Variants in GPR180 observed in about 807,000 individuals in gnomAD.
The protein encoded by GPR180 is G protein-coupled receptor 180, also known as integral membrane protein GPR180.
GPR180 carries 53 observed loss-of-function variants against 52.6 expected under a neutral mutation model. That is an observed-to-expected ratio of 1.01 (90% confidence interval 0.81 to 1.27). The LOEUF (loss-of-function observed/expected upper bound fraction) is 1.27. Ranked by LOEUF, GPR180 falls within the 50% of genes most tolerant of loss-of-function variation. GPR180 has a pLI of 0.00. For synonymous variants in GPR180, 200 were observed against 193.1 expected, an observed-to-expected ratio of 1.04 and a Z score of -0.30; for missense variants, 533 against 527.0, an observed-to-expected ratio of 1.01 and a Z score of -0.11.
intron 2 of GPR180, among the ~76,000 whole-genome samples, chr13:94,609,407 A>G (rs58500362): frequency 0.025 from 3,783 of 152,280 alleles, 165 homozygotes; most frequent in African/African-American, 0.083. Context: ...GCCTTGCCGA[A>G]AAGACAGCAA....
Position 94,602,072 on chromosome 13 carries a change from G to T in GPR180, c.145G>T (p.Gly49Cys). ...GQRIGHFEFH[G>C]DHALLCVRIN... ...GCGCATCGGCCACTTCGAGTTCCAT[G>T]GTAGGTCTGGGGGCGGGGAGGGGGA... is the stretch of plus-strand genomic sequence containing the variant. The change falls in exon 1 of 9, where the codon GGT becomes TGT. Residue 49 changes from glycine (G) to cysteine (C), a missense_variant and splice_region_variant. Gly to Cys is a radical substitution (Grantham distance 159). Coordinates refer to ENST00000376958, the MANE Select transcript of GPR180 (RefSeq NM_180989.6). 1 of 1,377,966 alleles carries T rather than the reference G, an allele frequency of 7.3e-7. No homozygotes were observed. Among genetic ancestry groups the T allele is most frequent in the South Asian group, 1.7e-5 (1 of 57,646 alleles). 85.4% of individuals were successfully genotyped at this position (1,377,966 alleles called of 1,614,324 possible).
intron 2 of GPR180, among the ~76,000 whole-genome samples, chr13:94,611,889 G>GA (rs112244645): frequency 5.0e-4 from 67 of 134,990 alleles, no homozygotes; most frequent in Middle Eastern, 3.8e-3. Flanking sequence ...AAACCAAAAA[G>GA]AAAAAAAAAA....
rs1187614082 is a variant in GPR180, at chr13:94,628,782, CCTTTT to C, written c.*1617_*1621del. The C allele has an allele frequency of 6.6e-6, 1 of 152,040 alleles. No homozygotes were observed. The highest frequency in any genetic ancestry group is 2.4e-5 in the African/African-American group (1 of 41,434). The allele number at this position is 152,040 out of a possible 1,614,324, so 9.4% of individuals were successfully genotyped here. A position where few individuals can be genotyped will look rare whatever the true frequency, so the allele number is the denominator to read the frequency against. Reference sequence around the variant, plus strand: ...TACATGATCGTCTGAGTGGTCATAACCTTTTCTTTTATCATGTCTCGCTAATAACC... The same window carrying C: ...TACATGATCGTCTGAGTGGTCATAACCTTTTATCATGTCTCGCTAATAACC... On this transcript the variant is annotated 3_prime_UTR_variant, in exon 9 of 9. Coordinates refer to ENST00000376958, the MANE Select transcript of GPR180 (RefSeq NM_180989.6).
chr13:94,619,708 C>T (rs1425475749), intron 5 of GPR180, among the ~76,000 whole-genome samples, 191 bp downstream of exon 5: 1 of 152,060 alleles, frequency 6.6e-6, no homozygotes, highest in Non-Finnish European at 1.5e-5. Context: ...GTGTACAGCT[C>T]CTCGTTGTTT....
chr13:94,631,956 C>T lies in GPR180; in HGVS notation c.*4785C>T, dbSNP rs1594483504. 6.6e-6 allele frequency: 1 copy of T among 152,248 alleles called. No individual in the cohort carries two copies. Among genetic ancestry groups the T allele is most frequent in the East Asian group, 1.9e-4 (1 of 5,166 alleles). The allele number at this position is 152,248 out of a possible 1,614,324, so 9.4% of individuals were successfully genotyped here. Reference sequence around the variant, plus strand: ...CCAATTTAAAAGAGAAGTTTCTAGTCAGCTAGAGGAGGGAATGTTGACAGT... The same window carrying T: ...CCAATTTAAAAGAGAAGTTTCTAGTTAGCTAGAGGAGGGAATGTTGACAGT... On this transcript the variant is annotated 3_prime_UTR_variant, in exon 9 of 9. Transcript: ENST00000376958.
chr13:94,617,902 C>G (rs1594475966), intron 3 of GPR180, among the ~76,000 whole-genome samples: 2 of 152,174 alleles, frequency 1.3e-5, no homozygotes, highest in Non-Finnish European at 1.5e-5. Context: ...GACATGTAAG[C>G]AAGTAAATGT....
intron 3 of GPR180, among the ~76,000 whole-genome samples, chr13:94,616,190 T>C (rs1889775745): frequency 6.6e-6 from 1 of 152,198 alleles, no homozygotes; most frequent in Admixed American, 6.5e-5. Context: ...TCACATTTCC[T>C]TTTTCAGAAC....
At chr13:94,617,660 T>A (rs1196524791) in intron 3 of GPR180, among the ~76,000 whole-genome samples, 1 of 152,160 alleles carries the variant, frequency 6.6e-6, no homozygotes, top group Non-Finnish European at 1.5e-5. Context: ...TTGATTCTTA[T>A]AATTTGTGTC....
At chr13:94,623,377 T>A in intron 7 of GPR180, 77 bp downstream of exon 7, 2 of 1,133,666 alleles carry the variant, frequency 1.8e-6, no homozygotes, top group Non-Finnish European at 2.6e-6. Context: ...AATAAACAAC[T>A]ACATGCTAAC....
chr13:94,608,107 A>G (rs1287637926), intron 2 of GPR180, among the ~76,000 whole-genome samples: 1 of 152,242 alleles, frequency 6.6e-6, no homozygotes, highest in South Asian at 2.1e-4. Context: ...TATGAGTCAT[A>G]TTCCTGTATT....
chr13:94,606,969 A>G (rs183509108), intron 2 of GPR180, among the ~76,000 whole-genome samples: 1 of 152,212 alleles, frequency 6.6e-6, no homozygotes, highest in Non-Finnish European at 1.5e-5. Flanking sequence ...AGTGTTGCAC[A>G]TATGTGTAAA....
rs1889972140 is a variant in GPR180 at position 94,629,857 on chromosome 13, C to A, written c.*2686C>A. On this transcript the variant is annotated 3_prime_UTR_variant, in exon 9 of 9. Coordinates refer to ENST00000376958, the MANE Select transcript of GPR180 (RefSeq NM_180989.6). ...TCACATCTGATGAACATAGGAGATA[C>A]ACAAATCTGAGATCATCTCTAAAAT... is the stretch of plus-strand genomic sequence containing the variant. 1 of 152,156 alleles carries A rather than the reference C, an allele frequency of 6.6e-6. No homozygotes were observed. The allele number at this position is 152,156 out of a possible 1,614,324, so 9.4% of individuals were successfully genotyped here.
chr13:94,621,014 C>CA, intron 5 of GPR180, 64 bp from the exon 6 acceptor site: 1 of 1,423,998 alleles, frequency 7.0e-7, no homozygotes, highest in Non-Finnish European at 9.4e-7. Context: ...GTTCTCAATG[C>CA]AAAAAGCACT....
chr13:94,612,702 G>A (rs185464414), intron 3 of GPR180, among the ~76,000 whole-genome samples: 2 of 152,290 alleles, frequency 1.3e-5, no homozygotes, highest in East Asian at 3.9e-4. Flanking sequence ...TTTGGCTCCA[G>A]ACAGGAAACA....
rs1889964838 is a variant in GPR180, at chr13:94,629,342, A to T, written c.*2171A>T. 1 of 152,166 alleles carries T rather than the reference A, an allele frequency of 6.6e-6. No individual in the cohort carries two copies. The allele number at this position is 152,166 out of a possible 1,614,324, so 9.4% of individuals were successfully genotyped here. On this transcript the variant is annotated 3_prime_UTR_variant, in exon 9 of 9. Transcript: ENST00000376958. ...TTTTACATTTTTTGAAAGAAGATAA[A>T]TGGTTCATCCAGAGCTTTATTAAGA...
chr13:94,627,274 C>A lies in GPR180; in HGVS notation c.*103C>A. ...CATACATTTAGTATGAAAACTTGAA[C>A]AGCGAAAGCAGAGCATGTTATTTAT... On this transcript the variant is annotated 3_prime_UTR_variant, in exon 9 of 9. Transcript: ENST00000376958. The A allele has an allele frequency of 2.3e-6, 2 of 887,996 alleles. No individual in the cohort carries two copies. Among genetic ancestry groups the A allele is most frequent in the Admixed American group, 2.6e-5 (1 of 38,782 alleles). 55.0% of individuals were successfully genotyped at this position (887,996 alleles called of 1,614,324 possible).
chr13:94,612,084 C>A, intron 2 of GPR180, 106 bp from the exon 3 acceptor site: 2 of 818,030 alleles, frequency 2.4e-6, no homozygotes, highest in Non-Finnish European at 2.0e-6. Flanking sequence ...ATTTCTGAGA[C>A]AATAAAAATT....
At chr13:94,622,556 G>T (rs1256008210) in intron 6 of GPR180, among the ~76,000 whole-genome samples, 2 of 152,186 alleles carry the variant, frequency 1.3e-5, no homozygotes, top group East Asian at 3.9e-4. Context: ...AGGGAAGTTT[G>T]AATATGTAAA....
chr13:94,627,027 T>C lies in GPR180; in HGVS notation c.1179T>C (p.Gly393=). ...TTTCTTTTCAGGTTATTACAATAGG[T>C]GTTATCCTTTGCCAGTCTGTTTCCA... ...DYQRDKVITI[G]VILCQSVSMV... Residue 393 remains glycine, a synonymous_variant, in exon 9 of 9, where the codon GGT becomes GGC. Coordinates refer to ENST00000376958, the MANE Select transcript of GPR180 (RefSeq NM_180989.6). The C allele has an allele frequency of 1.2e-6, 2 of 1,608,176 alleles. No homozygotes were observed. Among genetic ancestry groups the C allele is most frequent in the South Asian group, 1.1e-5 (1 of 90,080 alleles).
Sources: gnomAD v4.1 joint callset for allele counts (sites outside exome capture counted in the v4.1 genomes callset) on GRCh38, gnomAD v4.1.1 for gene constraint, MANE v1.5 for transcripts, NCBI Gene and HGNC (gene_info 2026-07-23, HGNC 2026-07-21) for gene names.